Variants in KDM4C observed in about 807,000 individuals in gnomAD.
KDM4C encodes the protein lysine-specific demethylase 4C.
KDM4C carries 81 observed loss-of-function variants against 129.3 expected under a neutral mutation model. The ratio of observed to expected loss-of-function variants is 0.63; its 90% CI spans 0.52 to 0.75. KDM4C has a LOEUF of 0.75. KDM4C is among the 30% of genes least tolerant of loss of function. The probability of loss-of-function intolerance (pLI) is 0.00; values close to 1 mark genes in which losing one functional copy is unlikely to be tolerated. For missense variants in KDM4C, 1,457 were observed against 1,304.0 expected (o/e 1.12, Z -1.81); for synonymous variants, 573 against 456.1 (o/e 1.26, Z -3.26).
chr9:6,935,456 G>T (rs1190907360), intron 8 of KDM4C, among the ~76,000 whole-genome samples: 1 of 147,166 alleles, frequency 6.8e-6, no homozygotes, highest in African/African-American at 2.5e-5. Context: ...TTGCTCTGTT[G>T]CCCAGGCTGG....
intron 5 of KDM4C, among the ~76,000 whole-genome samples, chr9:6,871,777 T>C (rs982274695): frequency 2.6e-5 from 4 of 152,104 alleles, no homozygotes; most frequent in African/African-American, 7.2e-5. Flanking sequence ...CTCTACAAGG[T>C]AGATGAAAAT....
intron 5 of KDM4C, among the ~76,000 whole-genome samples, chr9:6,864,091 G>T (rs937128094): frequency 1.3e-5 from 2 of 152,158 alleles, no homozygotes; most frequent in African/African-American, 4.8e-5. Context: ...AGTGGGTTTT[G>T]CATCTTTAAA....
In KDM4C at chr9:7,049,186, C is replaced by A; in HGVS notation, c.2410C>A (p.Gln804Lys). The change falls in exon 17 of 22, where the codon CAG (glutamine) becomes AAG (lysine). Residue 804 changes from glutamine to lysine, a missense_variant. Transcript: ENST00000381309. ...TQIDVGRIPL[Q>K]RLKLKCIFCR... ...AATAGATGTAGGCAGAATACCTTTA[C>A]AGAGGTTAAAATTGGTGAGTGGCAA... 6.3e-7 allele frequency: 1 copy of A among 1,594,742 alleles called. No homozygotes were observed. Among genetic ancestry groups the A allele is most frequent in the Non-Finnish European group, 8.6e-7 (1 of 1,164,040 alleles).
intron 17 of KDM4C, among the ~76,000 whole-genome samples, chr9:7,097,747 T>G (rs1836615771): frequency 6.6e-6 from 1 of 152,234 alleles, no homozygotes; most frequent in South Asian, 2.1e-4. Context: ...GCTGTAAAGC[T>G]TTTGTTATAG....
At chr9:7,097,173 C>A (rs1044072691) in intron 17 of KDM4C, among the ~76,000 whole-genome samples, 2 of 152,252 alleles carry the variant, frequency 1.3e-5, no homozygotes, top group South Asian at 2.1e-4. Flanking sequence ...CCTTTAAAAC[C>A]CTGCTGGGTA....
chr9:6,812,238 A>C (rs954341359), intron 3 of KDM4C, among the ~76,000 whole-genome samples: 1 of 152,038 alleles, frequency 6.6e-6, no homozygotes, highest in Non-Finnish European at 1.5e-5. Context: ...CTCTCAAAAA[A>C]AAAAAAAAAA....
upstream of KDM4C, among the ~76,000 whole-genome samples, chr9:6,753,195 C>T (rs1021639388): frequency 6.6e-6 from 1 of 152,226 alleles, no homozygotes; most frequent in Non-Finnish European, 1.5e-5. Context: ...TCTACCTCTT[C>T]TTAGTCAGTT....
intron 5 of KDM4C, among the ~76,000 whole-genome samples, chr9:6,869,216 G>A (rs776235828): frequency 1.3e-5 from 2 of 152,128 alleles, no homozygotes; most frequent in Non-Finnish European, 2.9e-5. Context: ...TGGTTGCTAG[G>A]GTTTCTGGTT....
chr9:7,137,838 T>C (rs1287585911), intron 19 of KDM4C, among the ~76,000 whole-genome samples: 1 of 152,234 alleles, frequency 6.6e-6, no homozygotes, highest in African/African-American at 2.4e-5. Flanking sequence ...ATGAGGCCCA[T>C]AAATCAATGA....
intron 1 of KDM4C, among the ~76,000 whole-genome samples, chr9:6,768,918 G>A (rs764094628): frequency 6.6e-6 from 1 of 151,980 alleles, no homozygotes; most frequent in East Asian, 1.9e-4. Context: ...GACTACAGGT[G>A]CCCATCACCA....
chr9:7,069,321 C>T (rs981873964), intron 17 of KDM4C, among the ~76,000 whole-genome samples: 3 of 152,110 alleles, frequency 2.0e-5, no homozygotes, highest in Admixed American at 6.5e-5. Context: ...AACACATTTT[C>T]TCATACATAG....
At chr9:6,819,414 C>T (rs892886015) in intron 4 of KDM4C, among the ~76,000 whole-genome samples, 12 of 152,200 alleles carry the variant, frequency 7.9e-5, no homozygotes, top group Non-Finnish European at 1.5e-4. Context: ...TTTGTAAACA[C>T]GCAGTTTTAA....
intron 15 of KDM4C, among the ~76,000 whole-genome samples, chr9:7,035,306 G>A (rs1430797815): frequency 1.2e-5 from 1 of 82,572 alleles, no homozygotes; most frequent in African/African-American, 3.5e-5. Context: ...GAGCTACCAT[G>A]CCTGGCCATT....
chr9:6,844,947 C>G (rs938261406), intron 4 of KDM4C, among the ~76,000 whole-genome samples: 3 of 152,182 alleles, frequency 2.0e-5, no homozygotes, highest in Non-Finnish European at 4.4e-5. Flanking sequence ...CTCGGCCTCC[C>G]AAAGTGCTGG....
At chr9:7,025,833 G>C (rs567771119) in intron 15 of KDM4C, among the ~76,000 whole-genome samples, 1 of 151,934 alleles carries the variant, frequency 6.6e-6, no homozygotes, top group East Asian at 1.9e-4. Flanking sequence ...GCATTTTTTT[G>C]TGTACTTACT....
intron 2 of KDM4C, among the ~76,000 whole-genome samples, chr9:6,797,196 A>G (rs1248241562): frequency 6.6e-6 from 1 of 151,948 alleles, no homozygotes; most frequent in African/African-American, 2.4e-5. Context: ...TGTGTTACCC[A>G]GAGTGGTCTT....
At chr9:6,754,661 G>T (rs1324105544), upstream of KDM4C, among the ~76,000 whole-genome samples, 1 of 151,764 alleles carries the variant, frequency 6.6e-6, no homozygotes, top group Non-Finnish European at 1.5e-5. Context: ...GATCATTTGA[G>T]CCCAGGAGTT....
intron 8 of KDM4C, among the ~76,000 whole-genome samples, chr9:6,959,319 C>G (rs949773710): frequency 3.9e-5 from 6 of 152,200 alleles, no homozygotes; most frequent in Non-Finnish European, 7.3e-5. Flanking sequence ...AGTCCCCTCA[C>G]TCTTGAAAGT....
At chr9:6,945,061 CCTT>C (rs990545699) in intron 8 of KDM4C, among the ~76,000 whole-genome samples, 18 of 151,900 alleles carry the variant, frequency 1.2e-4, no homozygotes, top group African/African-American at 3.9e-4. Context: ...TATGTGATCT[CCTT>C]CTCACTCTCT....
Sources: allele counts gnomAD v4.1 joint callset (sites outside exome capture counted in the v4.1 genomes callset), GRCh38; gene constraint gnomAD v4.1.1; transcripts MANE v1.5; gene names NCBI Gene and HGNC (gene_info 2026-07-23, HGNC 2026-07-21).